Variants in PPFIA2 observed in about 807,000 individuals in gnomAD.
PPFIA2 encodes liprin-alpha-2.
PPFIA2 carries 46 observed loss-of-function variants against 175.5 expected under a neutral mutation model. The ratio of observed to expected loss-of-function variants is 0.26; its 90% CI spans 0.21 to 0.34. The LOEUF (loss-of-function observed/expected upper bound fraction) is 0.34, where lower values mean the gene tolerates loss of function less well. PPFIA2 is among the 10% of genes least tolerant of loss of function. The pLI is 1.00. For synonymous variants in PPFIA2, 568 were observed against 511.4 expected, an observed-to-expected ratio of 1.11 and a Z score of -1.49; for missense variants, 1,179 against 1,506.1, an observed-to-expected ratio of 0.78 and a Z score of 3.60.
chr12:81,330,073 T>C (rs2055783739), intron 21 of PPFIA2, among the ~76,000 whole-genome samples: 1 of 152,154 alleles, frequency 6.6e-6, no homozygotes, highest in East Asian at 1.9e-4. Context: ...TCATTTGGAT[T>C]GTGAAGGTGT....
intron 7 of PPFIA2, among the ~76,000 whole-genome samples, chr12:81,420,450 GA>G (rs892205934): frequency 2.6e-5 from 4 of 151,590 alleles, no homozygotes; most frequent in African/African-American, 4.8e-5. Flanking sequence ...AACAATACAT[GA>G]AAAAAATAAA....
In PPFIA2 at chr12:81,315,085, G is replaced by A. The variant is rs190911964; in HGVS notation, c.2642+10692C>T. ...TGGCATCAAGCAATTCAGGGCACTT[G>A]GATGGTTTCTCTCTCTGTCTCTCTG... On this transcript the variant is annotated intron_variant, in intron 22 of 32. Transcript: ENST00000549396. 5.1e-4 allele frequency among the ~76,000 whole-genome samples: 78 copies of A among 151,836 alleles called. 1 individual carries two copies. The highest frequency in any genetic ancestry group is 1.9e-3 in the African/African-American group (77 of 41,520).
intron 3 of PPFIA2, among the ~76,000 whole-genome samples, chr12:81,710,407 T>G (rs995503535): frequency 2.0e-5 from 3 of 152,018 alleles, no homozygotes; most frequent in Non-Finnish European, 4.4e-5. Flanking sequence ...TTCCAAAAAC[T>G]GTTGTAATGT....
intron 4 of PPFIA2, among the ~76,000 whole-genome samples, chr12:81,580,563 A>T (rs2074252394): frequency 6.6e-6 from 1 of 151,442 alleles, no homozygotes; most frequent in South Asian, 2.1e-4. Flanking sequence ...AAATAAATAT[A>T]TTTTAAATTT....
At chr12:81,500,275 C>T (rs1464948016) in intron 4 of PPFIA2, among the ~76,000 whole-genome samples, 1 of 152,104 alleles carries the variant, frequency 6.6e-6, no homozygotes, top group Non-Finnish European at 1.5e-5. Flanking sequence ...ACCTCATAAC[C>T]ACTGCAAGAT....
chr12:81,342,837 G>A (rs1037823681), intron 19 of PPFIA2, among the ~76,000 whole-genome samples: 3 of 151,742 alleles, frequency 2.0e-5, no homozygotes, highest in Admixed American at 1.3e-4. Context: ...TGTCCTCCCT[G>A]CCAGCCAAAC....
intron 4 of PPFIA2, among the ~76,000 whole-genome samples, chr12:81,641,130 C>T (rs539291249): frequency 4.6e-5 from 7 of 152,070 alleles, no homozygotes; most frequent in Non-Finnish European, 8.8e-5. Context: ...TCTTCTCTTC[C>T]AGCTATTTTG....
At chr12:81,705,083 T>TC (rs1389671031) in intron 3 of PPFIA2, among the ~76,000 whole-genome samples, 1 of 32,356 alleles carries the variant, frequency 3.1e-5, no homozygotes, top group African/African-American at 1.3e-4. Context: ...AAACTCTGTC[T>TC]AAAAAAAAAA....
At chr12:81,301,491 C>T (rs996941117) in intron 22 of PPFIA2, among the ~76,000 whole-genome samples, 3 of 152,124 alleles carry the variant, frequency 2.0e-5, no homozygotes, top group Admixed American at 1.3e-4. Context: ...CATTTTGAAA[C>T]TTCTGACTAG....
intron 8 of PPFIA2, among the ~76,000 whole-genome samples, chr12:81,397,178 A>G (rs943545979): frequency 6.6e-6 from 1 of 152,082 alleles, no homozygotes; most frequent in Non-Finnish European, 1.5e-5. Context: ...ATAAATTATT[A>G]GTATATGAAT....
At chr12:81,264,698 T>C (rs531243061) in intron 30 of PPFIA2, among the ~76,000 whole-genome samples, 4 of 152,208 alleles carry the variant, frequency 2.6e-5, no homozygotes, top group Non-Finnish European at 5.9e-5. Flanking sequence ...TAATAACATA[T>C]ATCCACTGTT....
intron 24 of PPFIA2, among the ~76,000 whole-genome samples, chr12:81,293,599 C>T (rs1288493547): frequency 1.3e-5 from 2 of 151,886 alleles, no homozygotes; most frequent in Non-Finnish European, 2.9e-5. Flanking sequence ...TACCATCCCA[C>T]CTCAGTCAGA....
chr12:81,297,425 G>A (rs1378282108), intron 23 of PPFIA2, among the ~76,000 whole-genome samples: 1 of 151,858 alleles, frequency 6.6e-6, no homozygotes, highest in African/African-American at 2.4e-5. Context: ...TGCCAACAAC[G>A]AAACTCTTTG....
rs191552171 is a variant in PPFIA2 at position 81,263,487 on chromosome 12, C to T, written c.3556-97G>A. ...AGAAACATGTAACATAGATTATTTA[C>T]ATTTAGTCTGTCAAGTATACGTATG... is the stretch of plus-strand genomic sequence containing the variant. On this transcript the variant is annotated intron_variant, in intron 30 of 32. Coordinates refer to ENST00000549396, the MANE Select transcript of PPFIA2 (RefSeq NM_003625.5). 1.5e-4 allele frequency: 169 copies of T among 1,112,680 alleles called. No homozygotes were observed. In the African/African-American group the frequency reaches 2.4e-3, roughly 16 times the overall value. 68.9% of individuals were successfully genotyped at this position (1,112,680 alleles called of 1,614,324 possible). A position where few individuals can be genotyped will look rare whatever the true frequency, so the allele number is the denominator to read the frequency against.
intron 22 of PPFIA2, among the ~76,000 whole-genome samples, chr12:81,304,790 G>A (rs1209188294): frequency 2.0e-5 from 3 of 152,088 alleles, no homozygotes; most frequent in Non-Finnish European, 1.5e-5. Flanking sequence ...GCAAGAACAT[G>A]TTGGGCTTTG....
chr12:81,309,627 TATTCAG>T (rs570603964), intron 22 of PPFIA2, among the ~76,000 whole-genome samples: 8 of 152,104 alleles, frequency 5.3e-5, no homozygotes, highest in Non-Finnish European at 1.0e-4. Flanking sequence ...AGTAGTGTTT[TATTCAG>T]ATTCCAGTAA....
intron 14 of PPFIA2, among the ~76,000 whole-genome samples, chr12:81,365,319 C>T (rs2032810511): frequency 6.6e-6 from 1 of 151,720 alleles, no homozygotes; most frequent in Non-Finnish European, 1.5e-5. Flanking sequence ...AGTGAATGTG[C>T]CCATCTAAAT....
intron 4 of PPFIA2, among the ~76,000 whole-genome samples, chr12:81,590,865 G>C (rs1390513828): frequency 1.3e-5 from 2 of 152,120 alleles, no homozygotes; most frequent in African/African-American, 4.8e-5. Context: ...TTTATCAGCA[G>C]TGTGAAAACG....
rs372404515 is a variant in PPFIA2, at chr12:81,373,996, C to A, written c.1266+638G>T. On this transcript the variant is annotated intron_variant, in intron 11 of 32. Coordinates refer to ENST00000549396, the MANE Select transcript of PPFIA2 (RefSeq NM_003625.5). The stretch of plus-strand genomic sequence containing the variant: ...AATGATGCCATTTCCGTTTGATTGT[C>A]AGAGGTCAGAATAGTTCTTTTTAAC... 3.0e-4 allele frequency among the ~76,000 whole-genome samples: 45 copies of A among 152,046 alleles called. 1 individual carries two copies. The highest frequency in any genetic ancestry group is 1.0e-3 in the African/African-American group (43 of 41,526).
Sources: allele counts gnomAD v4.1 joint callset (sites outside exome capture counted in the v4.1 genomes callset), GRCh38; gene constraint gnomAD v4.1.1; transcripts MANE v1.5; gene names NCBI Gene and HGNC (gene_info 2026-07-23, HGNC 2026-07-21).